Variants in DPRX observed in about 807,000 individuals in gnomAD.
DPRX encodes the protein divergent paired-related homeobox.
DPRX carries 11 observed loss-of-function variants against 8.4 expected under a neutral mutation model. That is an observed-to-expected ratio of 1.31 (90% CI 0.82 to 2.17). The LOEUF (loss-of-function observed/expected upper bound fraction) is 2.17. Among genes scored for constraint, DPRX ranks in the 30% most tolerant of loss-of-function variants. DPRX has a pLI of 0.00. For missense variants in DPRX, 211 were observed against 236.7 expected, an observed-to-expected ratio of 0.89 and a Z score of 0.71; for synonymous variants, 72 against 87.0, an observed-to-expected ratio of 0.83 and a Z score of 0.96.
chr19:53,630,448 A>G (rs2091088253), upstream of DPRX, among the ~76,000 whole-genome samples: 1 of 151,880 alleles, frequency 6.6e-6, no homozygotes, highest in Non-Finnish European at 1.5e-5. Context: ...GTTACTCAGG[A>G]GGCTTAGGTG....
At chr19:53,618,385 A>C in the DPRX span, among the ~76,000 whole-genome samples, 14 of 152,062 alleles carry the variant, frequency 9.2e-5, no homozygotes, top group East Asian at 2.1e-3. Context: ...AGATTATTTC[A>C]GATAGGTATG....
At chr19:53,603,599 C>T in the DPRX span, 16 of 336,768 alleles carry the variant, frequency 4.8e-5, no homozygotes, top group Middle Eastern at 4.1e-4. Context: ...GTTCATCCAA[C>T]ATCAGAGAGC....
chr19:53,625,643 C>CT, the DPRX span, among the ~76,000 whole-genome samples: 2,494 of 145,190 alleles, frequency 0.017, 69 homozygotes, highest in African/African-American at 0.058. Flanking sequence ...CTCATAATTC[C>CT]TTTTTTTTTT....
chr19:53,625,777 A>G, the DPRX span, among the ~76,000 whole-genome samples: 1 of 151,940 alleles, frequency 6.6e-6, no homozygotes, highest in Non-Finnish European at 1.5e-5. Context: ...AGCTGGGGCT[A>G]CAAGTGTGTG....
At chr19:53,636,757 C>T (rs1325253621) in exon 3 of DPRX, 1 of 1,614,094 alleles carries the variant, frequency 6.2e-7, no homozygotes, top group Admixed American at 1.7e-5. Flanking sequence ...ACGCTGCTCA[C>T]CCGATCGGCC....
chr19:53,622,259 G>A, the DPRX span, among the ~76,000 whole-genome samples: 6 of 152,080 alleles, frequency 3.9e-5, no homozygotes, highest in Admixed American at 1.3e-4. Flanking sequence ...GTTCTTTCTT[G>A]ATGTCTTGCA....
chr19:53,603,631 C>T, the DPRX span: 1 of 255,626 alleles, frequency 3.9e-6, no homozygotes, highest in South Asian at 4.3e-5. Flanking sequence ...ACGGTAGCTC[C>T]CACGTATCTG....
At chr19:53,605,811 C>T in the DPRX span, among the ~76,000 whole-genome samples, 93 of 151,914 alleles carry the variant, frequency 6.1e-4, no homozygotes, top group Non-Finnish European at 1.1e-3. Flanking sequence ...ACTACAGGCA[C>T]GTTCCAGCAT....
chr19:53,632,272 C>A, intron 1 of DPRX, 138 bp downstream of exon 1: 5 of 1,042,614 alleles, frequency 4.8e-6, no homozygotes, highest in Non-Finnish European at 7.3e-6. Flanking sequence ...CCCACAGAGG[C>A]TGTCATCGTT....
At chr19:53,624,921 T>G in the DPRX span, among the ~76,000 whole-genome samples, 1 of 150,938 alleles carries the variant, frequency 6.6e-6, no homozygotes, top group Non-Finnish European at 1.5e-5. Context: ...CCCGGTGGTA[T>G]GGTCACAGAA....
chr19:53,634,579 A>C (rs143612661), exon 2 of DPRX: 306 of 1,613,868 alleles, frequency 1.9e-4, no homozygotes, highest in Non-Finnish European at 2.5e-4. Context: ...TTCACTAAGA[A>C]GCAACTGGAA....
the DPRX span, among the ~76,000 whole-genome samples, chr19:53,625,604 G>C: frequency 9.2e-5 from 14 of 151,458 alleles, no homozygotes; most frequent in African/African-American, 3.4e-4. Flanking sequence ...ATTAACATGA[G>C]ACACAGAGAT....
At chr19:53,617,211 A>G in the DPRX span, 1 of 869,724 alleles carries the variant, frequency 1.1e-6, no homozygotes, top group South Asian at 1.3e-5. Flanking sequence ...TTTCACGGCT[A>G]GAGTATTCGT....
chr19:53,624,400 GT>G, the DPRX span, among the ~76,000 whole-genome samples: 198 of 145,164 alleles, frequency 1.4e-3, no homozygotes, highest in African/African-American at 4.9e-3. Flanking sequence ...CTGTTTTTTT[GT>G]TTTGTTTTTT....
At chr19:53,624,174 G>A in the DPRX span, among the ~76,000 whole-genome samples, 22 of 129,896 alleles carry the variant, frequency 1.7e-4, 1 homozygote, top group East Asian at 4.9e-3. Context: ...TTCAACCTCT[G>A]CCTCCCAGGT....
chr19:53,616,110 G>A, the DPRX span, among the ~76,000 whole-genome samples: 1 of 151,920 alleles, frequency 6.6e-6, no homozygotes, highest in Non-Finnish European at 1.5e-5. Flanking sequence ...AAATTAGCTG[G>A]GCGTGGTGGT....
At chr19:53,634,416 A>G in intron 1 of DPRX, 115 bp from the exon 2 acceptor site, 1 of 1,319,908 alleles carries the variant, frequency 7.6e-7, no homozygotes, top group South Asian at 1.4e-5. Flanking sequence ...CGGTGACAGA[A>G]CCTCAGTCAC....
chr19:53,624,457 C>T, the DPRX span, among the ~76,000 whole-genome samples: 89 of 151,682 alleles, frequency 5.9e-4, no homozygotes, highest in East Asian at 0.012. Context: ...GGCTAGAGTG[C>T]AGTGGCTTGA....
At chr19:53,633,318 A>C (rs947281916) in intron 1 of DPRX, among the ~76,000 whole-genome samples, 1 of 152,194 alleles carries the variant, frequency 6.6e-6, no homozygotes, top group African/African-American at 2.4e-5. Context: ...CCGTGACAGC[A>C]GTGATGTTAT....
Sources: allele counts gnomAD v4.1 joint callset (sites outside exome capture counted in the v4.1 genomes callset), GRCh38; gene constraint gnomAD v4.1.1; transcripts MANE v1.5; gene names NCBI Gene and HGNC (gene_info 2026-07-23, HGNC 2026-07-21).